The following LRRCC1 variants were observed in gnomAD, a reference collection of about 807,000 sequenced individuals.
LRRCC1 encodes leucine-rich repeat and coiled-coil domain-containing protein 1.
Under a neutral mutation model 126.0 loss-of-function variants are expected in LRRCC1, and 115 were observed. That is an observed-to-expected ratio of 0.91 (90% CI 0.78 to 1.07). The LOEUF is 1.07. Among genes scored for constraint, LRRCC1 ranks in the 50% least tolerant of loss-of-function variants. The probability of loss-of-function intolerance (pLI) is 0.00; values close to 1 mark genes in which losing one functional copy is unlikely to be tolerated. For synonymous variants in LRRCC1, 400 were observed against 393.4 expected (o/e 1.02, Z -0.20); for missense variants, 1,172 against 1,175.7 (o/e 1.00, Z 0.05).
Position 85,128,520 on chromosome 8 carries a change from G to A in LRRCC1, c.1422-655G>A, listed in dbSNP as rs1002544263. Among the ~76,000 whole-genome samples, 3 of 140,268 alleles carry A rather than the reference G, an allele frequency of 2.1e-5. No homozygotes were observed. In the Admixed American group the frequency reaches 2.5e-4, roughly 11 times the overall value. 92.0% of individuals were successfully genotyped at this position (140,268 alleles called of 152,430 possible). A position where few individuals can be genotyped will look rare whatever the true frequency, so the allele number is the denominator to read the frequency against. ...TTGGTAGGGACTCTGTATCCCTAATGCAGGGTCTGGCATGTGGGTGCCATG... is the reference window on the plus strand; with the variant it reads ...TTGGTAGGGACTCTGTATCCCTAATACAGGGTCTGGCATGTGGGTGCCATG... On this transcript the variant is annotated intron_variant, in intron 9 of 18. Transcript: ENST00000360375.
intron 1 of LRRCC1, among the ~76,000 whole-genome samples, chr8:85,108,070 C>G (rs981919901): frequency 6.6e-6 from 1 of 152,214 alleles, no homozygotes; most frequent in African/African-American, 2.4e-5. Context: ...GCTCTTTAGT[C>G]TCGACCCGTA....
In LRRCC1 at chr8:85,124,847, T is replaced by G; in HGVS notation, c.1180T>G (p.Leu394Val). 6.3e-7 allele frequency: 1 copy of G among 1,599,988 alleles called. No homozygotes were observed. The highest frequency in any genetic ancestry group is 8.5e-7 in the Non-Finnish European group (1 of 1,170,468). Residue 394 changes from leucine (L) to valine (V), a missense_variant, in exon 8 of 19, where the codon TTA becomes GTA. Leu to Val is a conservative substitution (Grantham distance 32). Transcript: ENST00000360375. ...TAAAGAATTATATGTAAGCTCATCTTTAGCAAACTGTCCTATGTTACAAGA... is the reference window on the plus strand; with the variant it reads ...TAAAGAATTATATGTAAGCTCATCTGTAGCAAACTGTCCTATGTTACAAGA... ...YLKELYVSSS[L>V]ANCPMLQESE...
At chr8:85,115,055 T>G (rs746818675) in intron 4 of LRRCC1, 45 bp from the exon 5 acceptor site, 39 of 1,442,572 alleles carry the variant, frequency 2.7e-5, no homozygotes, top group Middle Eastern at 1.8e-4. Flanking sequence ...AATAATTGAC[T>G]TTTTTTAATA....
In LRRCC1 at chr8:85,107,266, G is replaced by C. The variant is rs2135899162; in HGVS notation, c.-30G>C. The C allele has an allele frequency of 1.3e-6, 2 of 1,591,022 alleles. No homozygotes were observed. Among genetic ancestry groups the C allele is most frequent in the Non-Finnish European group, 1.7e-6 (2 of 1,168,564 alleles). On this transcript the variant is annotated 5_prime_UTR_variant, in exon 1 of 19. Coordinates refer to ENST00000360375, the MANE Select transcript of LRRCC1 (RefSeq NM_033402.5). ...CTCACGGACCCCTCGCTGGGTGCCG[G>C]TTAAGACCCCGCTCCCCGTCGCCAG...
chr8:85,144,402 A>ATGTGTG (rs56280153), intron 18 of LRRCC1, among the ~76,000 whole-genome samples: 2 of 138,096 alleles, frequency 1.4e-5, no homozygotes, highest in Non-Finnish European at 3.1e-5. Flanking sequence ...TAGAGTTAAA[A>ATGTGTG]TGTGTGTGTG....
rs1587401358 is a variant in LRRCC1, at chr8:85,124,674, ATTT to A, written c.1125-116_1125-114del. ...GAAGCAGTTTGTCCAAGTTACTATA[ATTT>A]TATTAATATTCTTTTTAAAAAGCTG... is the stretch of plus-strand genomic sequence containing the variant. On this transcript the variant is annotated intron_variant, in intron 7 of 18. Transcript: ENST00000360375. The A allele has an allele frequency of 5.4e-6, 3 of 557,362 alleles. No homozygotes were observed. The East Asian group carries it at 1.0e-4, about 19-fold the overall frequency. 34.5% of individuals were successfully genotyped at this position (557,362 alleles called of 1,614,324 possible).
chr8:85,133,779 C>T (rs562542217), intron 12 of LRRCC1, among the ~76,000 whole-genome samples: 1 of 152,164 alleles, frequency 6.6e-6, no homozygotes, highest in Admixed American at 6.5e-5. Flanking sequence ...TAAGAGCTTT[C>T]AAGTTAATCT....
intron 17 of LRRCC1, among the ~76,000 whole-genome samples, chr8:85,139,005 C>CTAATAAGTGTTGGG (rs1811065579): frequency 2.6e-5 from 4 of 151,792 alleles, no homozygotes; most frequent in Non-Finnish European, 5.9e-5. Flanking sequence ...GAGATCACAC[C>CTAATAAGTGTTGGG]ATTGCACTCC....
chr8:85,124,914 G>C lies in LRRCC1; in HGVS notation c.1247G>C (p.Ser416Thr). The change falls in exon 8 of 19, where the codon AGT becomes ACT. Residue 416 changes from serine to threonine, a missense_variant. Ser to Thr is a moderately conservative substitution (Grantham distance 58, BLOSUM62 1). Coordinates refer to ENST00000360375, the MANE Select transcript of LRRCC1 (RefSeq NM_033402.5). ...PKTEIIKVDQ[S>T]HSEDNTYQSL... ...ACTGAAATAATTAAAGTAGACCAAA[G>C]TCACTCAGAAGACAACACTTACCAG... The C allele has an allele frequency of 6.2e-7, 1 of 1,604,742 alleles. No homozygotes were observed. The highest frequency in any genetic ancestry group is 8.5e-7 in the Non-Finnish European group (1 of 1,176,258).
chr8:85,115,846 T>C (rs1012587774), intron 6 of LRRCC1, among the ~76,000 whole-genome samples: 2 of 152,206 alleles, frequency 1.3e-5, no homozygotes, highest in African/African-American at 4.8e-5. Context: ...GTACTTTACA[T>C]TACTTCTATT....
rs1330608821 is a variant in LRRCC1 at position 85,124,874 on chromosome 8, T to C, written c.1207T>C (p.Ser403Pro). 1.2e-6 allele frequency: 2 copies of C among 1,607,198 alleles called. No individual in the cohort carries two copies. The highest frequency in any genetic ancestry group is 1.7e-6 in the Non-Finnish European group (2 of 1,175,866). ...SLANCPMLQE[S>P]EKPKTEIIKV... ...AGCAAACTGTCCTATGTTACAAGAA[T>C]CAGAAAAGCCAAAGACTGAAATAAT... Residue 403 changes from serine (S) to proline (P), a missense_variant, in exon 8 of 19, where the codon TCA (serine) becomes CCA (proline). Physicochemically the swap from Ser to Pro is moderately conservative, Grantham distance 74. Transcript: ENST00000360375.
At chr8:85,133,811 A>G (rs2135983480) in intron 12 of LRRCC1, among the ~76,000 whole-genome samples, 1 of 151,590 alleles carries the variant, frequency 6.6e-6, no homozygotes, top group South Asian at 2.1e-4. Context: ...TCCTTCCCCT[A>G]CCCCCCTCTG....
chr8:85,126,726 G>A lies in LRRCC1; in HGVS notation c.1310G>A (p.Arg437Lys). ...CAGCTAGACCAAGAGAGAGAGAAGA[G>A]ATGGAGAGCTGAGCAAGCCGAAAAT... ...VEQLDQEREK[R>K]WRAEQAENKL... Residue 437 changes from arginine (R) to lysine (K), a missense_variant, in exon 9 of 19, where the codon AGA (arginine) becomes AAA (lysine). Coordinates refer to ENST00000360375, the MANE Select transcript of LRRCC1 (RefSeq NM_033402.5). The A allele has an allele frequency of 6.2e-7, 1 of 1,612,866 alleles. No individual in the cohort carries two copies. The highest frequency in any genetic ancestry group is 8.5e-7 in the Non-Finnish European group (1 of 1,179,924).
At chr8:85,131,382 C>T (rs1810450971) in intron 11 of LRRCC1, among the ~76,000 whole-genome samples, 1 of 152,190 alleles carries the variant, frequency 6.6e-6, no homozygotes, top group Non-Finnish European at 1.5e-5. Context: ...CTTTAACTGA[C>T]TTTTTCTATT....
In LRRCC1 at chr8:85,126,639, G is replaced by T. The variant is rs764038220; in HGVS notation, c.1273-50G>T. Reference sequence around the variant, plus strand: ...ATAAATGGGAAAATTGAGGCTGTGAGAAGTTAGGTAACTTTTCTAAGTTCA... The same window carrying T: ...ATAAATGGGAAAATTGAGGCTGTGATAAGTTAGGTAACTTTTCTAAGTTCA... On this transcript the variant is annotated intron_variant, in intron 8 of 18. Coordinates refer to ENST00000360375, the MANE Select transcript of LRRCC1 (RefSeq NM_033402.5). 4 of 1,520,628 alleles carry T rather than the reference G, an allele frequency of 2.6e-6. No homozygotes were observed. In the East Asian group the frequency reaches 9.1e-5, roughly 35 times the overall value. 94.2% of individuals were successfully genotyped at this position (1,520,628 alleles called of 1,614,324 possible).
intron 3 of LRRCC1, among the ~76,000 whole-genome samples, chr8:85,110,729 T>A (rs1435365189): frequency 6.6e-6 from 1 of 152,222 alleles, no homozygotes; most frequent in African/African-American, 2.4e-5. Flanking sequence ...AAGGAACAAA[T>A]AAAATGAGAT....
chr8:85,111,906 G>A (rs543197408), intron 3 of LRRCC1, among the ~76,000 whole-genome samples: 4 of 150,094 alleles, frequency 2.7e-5, no homozygotes, highest in Non-Finnish European at 5.9e-5. Context: ...GTAAAGTCTC[G>A]CTCTGGGGTG....
rs1563950462 is a variant in LRRCC1 at position 85,131,891 on chromosome 8, GC to G, written c.1900del (p.Gln634SerfsTer6). 1 of 1,613,898 alleles carries G rather than the reference GC, an allele frequency of 6.2e-7. No individual in the cohort carries two copies. The highest frequency in any genetic ancestry group is 1.7e-5 in the Admixed American group (1 of 60,010). ...KEYQEKIDVL[S>X]QQYMDLENEF... ...TACCAAGAGAAAATTGACGTGTTAA[GC>G]CAGCAGTATATGGATTTAGAAAATG... is the stretch of plus-strand genomic sequence containing the variant. On this transcript the variant is annotated frameshift_variant, in exon 12 of 19. Transcript: ENST00000360375. LOFTEE classifies it high-confidence loss of function.
chr8:85,138,554 G>A, intron 17 of LRRCC1, 79 bp downstream of exon 17: 1 of 1,374,254 alleles, frequency 7.3e-7, no homozygotes, highest in Non-Finnish European at 9.9e-7. Context: ...TATAAAGAGA[G>A]GAGGGCTAAA....
Sources: gnomAD v4.1 joint callset for allele counts (sites outside exome capture counted in the v4.1 genomes callset) on GRCh38, gnomAD v4.1.1 for gene constraint, MANE v1.5 for transcripts, NCBI Gene and HGNC (gene_info 2026-07-23, HGNC 2026-07-21) for gene names.